Variants in SUSD1 observed in about 807,000 individuals in gnomAD.
SUSD1 encodes sushi domain-containing protein 1.
A neutral mutation model predicts 86.9 loss-of-function variants in SUSD1; 65 were observed. That is an observed-to-expected ratio of 0.75 (90% CI 0.61 to 0.92). SUSD1 has a LOEUF of 0.92. SUSD1 is among the 40% of genes least tolerant of loss of function. SUSD1 has a pLI of 0.00. For missense variants in SUSD1, 850 were observed against 929.7 expected (o/e 0.91, Z 1.11); for synonymous variants, 346 against 350.0 (o/e 0.99, Z 0.13).
At chr9:112,152,724 C>CT (rs1833111721) in intron 2 of SUSD1, among the ~76,000 whole-genome samples, 1 of 130,522 alleles carries the variant, frequency 7.7e-6, no homozygotes, top group Non-Finnish European at 1.7e-5. Context: ...CTTTTATTAG[C>CT]TTTTTTCTTC....
At chr9:112,131,298 C>T (rs1832024600) in intron 5 of SUSD1, among the ~76,000 whole-genome samples, 1 of 152,174 alleles carries the variant, frequency 6.6e-6, no homozygotes, top group African/African-American at 2.4e-5. Context: ...AAAACGTTGC[C>T]TGAATAAGCA....
At chr9:112,054,698 G>A (rs1027824939) in intron 14 of SUSD1, among the ~76,000 whole-genome samples, 1 of 151,882 alleles carries the variant, frequency 6.6e-6, no homozygotes, top group African/African-American at 2.4e-5. Flanking sequence ...AACTCAAAAT[G>A]GATCAAAAAC....
At position 112,054,384 on chromosome 9, in the gene SUSD1, A is replaced by T. The variant is rs1221984980; in HGVS notation, c.2110-1946T>A. On this transcript the variant is annotated intron_variant, in intron 14 of 16. Coordinates refer to ENST00000374270, the MANE Select transcript of SUSD1 (RefSeq NM_022486.5). ...AGAAGCGCTTAAGCCCAGGAGTTTG[A>T]GACCAGCCTGGGCAACACAGGGAGA... Among the ~76,000 whole-genome samples the T allele has an allele frequency of 2.6e-5, 4 of 152,310 alleles. No homozygotes were observed. In the East Asian group the frequency reaches 7.7e-4, roughly 29 times the overall value.
chr9:112,129,744 T>G (rs1831934301), intron 5 of SUSD1, among the ~76,000 whole-genome samples: 1 of 152,220 alleles, frequency 6.6e-6, no homozygotes, highest in Admixed American at 6.5e-5. Context: ...GGACAGAGTC[T>G]TTGTCTTATA....
Position 112,143,498 on chromosome 9 carries a change from G to A in SUSD1, c.499C>T (p.Pro167Ser), listed in dbSNP as rs756720813. 8.1e-6 allele frequency: 13 copies of A among 1,613,516 alleles called. No individual in the cohort carries two copies. The Middle Eastern group carries it at 1.7e-3, about 205-fold the overall frequency. The part of the protein sequence containing the change: ...LPRNGPEPFH[P>S]TTDATSCTEI... The stretch of plus-strand genomic sequence containing the variant: ...GTGCATGATGTGGCATCGGTGGTCG[G>A]GTGGAAAGGTTCAGGTCCATTCCTT... The change falls in exon 4 of 17, where the codon CCG becomes TCG. Residue 167 changes from proline to serine, a missense_variant. Coordinates refer to ENST00000374270, the MANE Select transcript of SUSD1 (RefSeq NM_022486.5).
intron 1 of SUSD1, among the ~76,000 whole-genome samples, chr9:112,165,966 AAAG>A (rs1245119762): frequency 1.3e-5 from 2 of 151,156 alleles, no homozygotes; most frequent in Non-Finnish European, 2.9e-5. Context: ...AGAAAGAAAG[AAAG>A]AAAGAAAGAA....
At chr9:112,089,198 A>G (rs188222230) in intron 10 of SUSD1, among the ~76,000 whole-genome samples, 16 of 152,366 alleles carry the variant, frequency 1.1e-4, no homozygotes, top group Admixed American at 3.3e-4. Flanking sequence ...CGTTTTTTAA[A>G]GGTATAAAGG....
At chr9:112,072,804 TATCAAAAGAG>T in intron 12 of SUSD1, among the ~76,000 whole-genome samples, 1 of 152,342 alleles carries the variant, frequency 6.6e-6, no homozygotes, top group Admixed American at 6.5e-5. Context: ...GGGCTCCAGA[TATCAAAAGAG>T]CCTGTGTCCA....
At chr9:112,173,662 C>T in intron 1 of SUSD1, 1 of 457,042 alleles carries the variant, frequency 2.2e-6, no homozygotes. Context: ...GCAATGCGGG[C>T]ACGAGCACGT....
Position 112,121,274 on chromosome 9 carries a change from C to T in SUSD1, c.886+2983G>A, listed in dbSNP as rs144713841. ...TCTGGCCTACATCCTCTTGAATTCG[C>T]GATGGAGATAACCAAATATAGGAAT... On this transcript the variant is annotated intron_variant, in intron 6 of 16. Coordinates refer to ENST00000374270, the MANE Select transcript of SUSD1 (RefSeq NM_022486.5). 4.6e-5 allele frequency among the ~76,000 whole-genome samples: 7 copies of T among 151,852 alleles called. No homozygotes were observed. In the East Asian group the frequency reaches 7.7e-4, roughly 17 times the overall value.
chr9:112,166,386 T>C (rs1304120850), intron 1 of SUSD1, among the ~76,000 whole-genome samples: 2 of 152,202 alleles, frequency 1.3e-5, no homozygotes, highest in African/African-American at 2.4e-5. Flanking sequence ...TTCCTGGCAA[T>C]CCTGTTAAAA....
Position 112,078,431 on chromosome 9 carries a change from A to C in SUSD1, c.1753+107T>G. Reference sequence around the variant, plus strand: ...CCATGTCCTTCCTCCTCTCCCTGTTAAAGTTCATTATATAATGATAAAAAG... The same window carrying C: ...CCATGTCCTTCCTCCTCTCCCTGTTCAAGTTCATTATATAATGATAAAAAG... On this transcript the variant is annotated intron_variant, in intron 12 of 16. Transcript: ENST00000374270. 4 of 1,118,794 alleles carry C rather than the reference A, an allele frequency of 3.6e-6. 1 individual carries two copies. In the South Asian group the frequency reaches 6.9e-5, roughly 19 times the overall value. 69.3% of individuals were successfully genotyped at this position (1,118,794 alleles called of 1,614,324 possible).
In SUSD1 at chr9:112,069,174, T is replaced by C. The variant is rs113208078; in HGVS notation, c.1754-6141A>G. On this transcript the variant is annotated intron_variant, in intron 12 of 16. Transcript: ENST00000374270. ...GGGCGGACCACCGAGAAACCCAGGC[T>C]CTAAGACCAGGTGGAAGAGTAAGAG... Among the ~76,000 whole-genome samples the C allele has an allele frequency of 1.4e-4, 21 of 151,486 alleles. 1 individual carries two copies. Among genetic ancestry groups the C allele is most frequent in the African/African-American group, 5.1e-4 (21 of 41,296 alleles).
chr9:112,165,723 T>C (rs2131846707), intron 1 of SUSD1, among the ~76,000 whole-genome samples: 1 of 151,692 alleles, frequency 6.6e-6, no homozygotes, highest in South Asian at 2.1e-4. Flanking sequence ...ACTTCATTCT[T>C]AGGGTACCTG....
chr9:112,128,622 G>A (rs1349834836), intron 5 of SUSD1, among the ~76,000 whole-genome samples: 1 of 152,160 alleles, frequency 6.6e-6, no homozygotes, highest in Non-Finnish European at 1.5e-5. Context: ...TTAAACTCCT[G>A]ACCTCAAGTG....
At chr9:112,134,242 A>G (rs1832159879) in intron 5 of SUSD1, among the ~76,000 whole-genome samples, 1 of 152,194 alleles carries the variant, frequency 6.6e-6, no homozygotes, top group African/African-American at 2.4e-5. Context: ...TAAATCATTC[A>G]ATCAAAAGGA....
chr9:112,125,720 A>G (rs1195392533), intron 5 of SUSD1, among the ~76,000 whole-genome samples: 2 of 152,218 alleles, frequency 1.3e-5, no homozygotes, highest in African/African-American at 4.8e-5. Context: ...CATTCAAACT[A>G]GAGAAAATCA....
chr9:112,155,763 A>G (rs1230843365), intron 2 of SUSD1, among the ~76,000 whole-genome samples: 8 of 151,890 alleles, frequency 5.3e-5, no homozygotes, highest in Admixed American at 5.3e-4. Flanking sequence ...GGAGCTCAAG[A>G]CCACCCCGGG....
Position 112,143,507 on chromosome 9 carries a change from G to A in SUSD1, c.490C>T (p.Pro164Ser), listed in dbSNP as rs1029867596. ...DGYLPRNGPE[P>S]FHPTTDATSC... ...GTGGCATCGGTGGTCGGGTGGAAAG[G>A]TTCAGGTCCATTCCTTGGCAAGTAT... Residue 164 changes from proline (P) to serine (S), a missense_variant, in exon 4 of 17, where the codon CCT (proline) becomes TCT (serine). Transcript: ENST00000374270. 2.5e-6 allele frequency: 4 copies of A among 1,613,802 alleles called. No individual in the cohort carries two copies. In the African/African-American group the frequency reaches 4.0e-5, roughly 16 times the overall value.
Sources: gnomAD v4.1 joint callset for allele counts (sites outside exome capture counted in the v4.1 genomes callset) on GRCh38, gnomAD v4.1.1 for gene constraint, MANE v1.5 for transcripts, NCBI Gene and HGNC (gene_info 2026-07-23, HGNC 2026-07-21) for gene names.